Variants in C12orf54 observed in about 807,000 individuals in gnomAD.
C12orf54 encodes uncharacterized protein C12orf54.
C12orf54 carries 24 observed loss-of-function variants against 26.4 expected under a neutral mutation model. The ratio of observed to expected loss-of-function variants is 0.91; its 90% CI spans 0.66 to 1.28. The LOEUF (loss-of-function observed/expected upper bound fraction) is 1.28, where lower values mean the gene tolerates loss of function less well. Ranked by LOEUF, C12orf54 falls within the 50% of genes most tolerant of loss-of-function variation. C12orf54 has a pLI of 0.00. For synonymous variants in C12orf54, 54 were observed against 47.0 expected (o/e 1.15, Z -0.61); for missense variants, 154 against 150.9 (o/e 1.02, Z -0.11).
chr12:48,452,118 T>C, the C12orf54 span, among the ~76,000 whole-genome samples: 2 of 152,186 alleles, frequency 1.3e-5, no homozygotes, highest in Non-Finnish European at 2.9e-5. Flanking sequence ...AACAGCCTAG[T>C]ACTGGTACAA....
At chr12:48,418,261 G>A in the C12orf54 span, among the ~76,000 whole-genome samples, 1 of 152,216 alleles carries the variant, frequency 6.6e-6, no homozygotes, top group Non-Finnish European at 1.5e-5. Context: ...GTCTGGAAGG[G>A]AAAGACATTC....
the C12orf54 span, among the ~76,000 whole-genome samples, chr12:48,445,839 G>T: frequency 6.6e-6 from 1 of 152,302 alleles, no homozygotes; most frequent in East Asian, 1.9e-4. Context: ...TTCCCAAAAG[G>T]AGGAAGCGAA....
chr12:48,486,675 C>T lies in C12orf54; in HGVS notation c.97-13C>T. 6.2e-7 allele frequency: 1 copy of T among 1,610,268 alleles called. No homozygotes were observed. Among genetic ancestry groups the T allele is most frequent in the Admixed American group, 1.7e-5 (1 of 59,990 alleles). ...GGGATATTGTTTCCAACATTTGTTC[C>T]TTATTTCTACAGGAAAAACAGGTAA... On this transcript the variant is annotated splice_polypyrimidine_tract_variant and intron_variant, in intron 3 of 8. Transcript: ENST00000548364.
chr12:48,496,453 AT>A lies in C12orf54; in HGVS notation c.*316del, dbSNP rs1303488070. 1.3e-5 allele frequency: 2 copies of A among 152,674 alleles called. No homozygotes were observed. Among genetic ancestry groups the A allele is most frequent in the Non-Finnish European group, 2.9e-5 (2 of 68,044 alleles). 9.5% of individuals were successfully genotyped at this position (152,674 alleles called of 1,614,324 possible). A position where few individuals can be genotyped will look rare whatever the true frequency, so the allele number is the denominator to read the frequency against. On this transcript the variant is annotated 3_prime_UTR_variant, in exon 9 of 9. Transcript: ENST00000548364. ...ATAGAATTTCCAAGTATGATAGTGCATTTGGTTCAAAGAACAGCACTGTAGC... is the reference window on the plus strand; with the variant it reads ...ATAGAATTTCCAAGTATGATAGTGCATTGGTTCAAAGAACAGCACTGTAGC...
chr12:48,436,617 A>C, the C12orf54 span, among the ~76,000 whole-genome samples: 37 of 152,320 alleles, frequency 2.4e-4, no homozygotes, highest in East Asian at 1.5e-3. Flanking sequence ...AAAACCGCTC[A>C]ACTACATGGA....
the C12orf54 span, among the ~76,000 whole-genome samples, chr12:48,476,401 A>C: frequency 1.2e-4 from 19 of 152,200 alleles, no homozygotes; most frequent in African/African-American, 4.6e-4. Context: ...AACAATATTA[A>C]CTTTAAATGT....
chr12:48,486,962 AG>A (rs1441761934), intron 4 of C12orf54, among the ~76,000 whole-genome samples: 1 of 152,170 alleles, frequency 6.6e-6, no homozygotes, highest in Non-Finnish European at 1.5e-5. Flanking sequence ...AAGCTGTCAC[AG>A]GTCCTGTTTG....
the C12orf54 span, among the ~76,000 whole-genome samples, chr12:48,469,931 G>A: frequency 1.3e-5 from 2 of 152,162 alleles, no homozygotes; most frequent in African/African-American, 4.8e-5. Context: ...TCCCACAGGT[G>A]AGAACATGAA....
intron 5 of C12orf54, 128 bp from the exon 6 acceptor site, chr12:48,490,684 C>A: frequency 9.8e-7 from 1 of 1,020,696 alleles, no homozygotes; most frequent in Non-Finnish European, 1.5e-6. Flanking sequence ...TTGGGAGTTC[C>A]ATGTCCAAGA....
chr12:48,423,954 A>C, the C12orf54 span, among the ~76,000 whole-genome samples: 1 of 152,084 alleles, frequency 6.6e-6, no homozygotes, highest in Non-Finnish European at 1.5e-5. Flanking sequence ...TCCTTTAAAT[A>C]TAATGGTAGA....
At chr12:48,422,141 C>G in the C12orf54 span, among the ~76,000 whole-genome samples, 1 of 152,164 alleles carries the variant, frequency 6.6e-6, no homozygotes, top group East Asian at 1.9e-4. Context: ...AAAGAAGAGG[C>G]TCTATTCTCA....
the C12orf54 span, among the ~76,000 whole-genome samples, chr12:48,427,085 T>G: frequency 6.6e-6 from 1 of 152,108 alleles, no homozygotes; most frequent in Non-Finnish European, 1.5e-5. Flanking sequence ...TTCTCTTGCC[T>G]GATTGGTGGA....
the C12orf54 span, chr12:48,473,184 G>A: frequency 6.5e-6 from 9 of 1,389,770 alleles, no homozygotes; most frequent in East Asian, 2.3e-5. Flanking sequence ...GGAGGAGGAT[G>A]AGGATGAGGA....
chr12:48,439,508 A>T, the C12orf54 span, among the ~76,000 whole-genome samples: 1 of 152,232 alleles, frequency 6.6e-6, no homozygotes, highest in South Asian at 2.1e-4. Context: ...CAAATGTCCA[A>T]CAATGATAGA....
the C12orf54 span, chr12:48,441,992 T>C: frequency 6.6e-6 from 1 of 152,220 alleles, no homozygotes; most frequent in Non-Finnish European, 1.5e-5. Context: ...TTCTATCCAG[T>C]TCCCTCATCA....
upstream of C12orf54, among the ~76,000 whole-genome samples, chr12:48,478,506 C>G (rs1435319183): frequency 5.3e-5 from 8 of 152,310 alleles, no homozygotes; most frequent in African/African-American, 1.7e-4. Context: ...ACCCCATCAT[C>G]TCAGCCCAAA....
chr12:48,441,181 C>G, the C12orf54 span, among the ~76,000 whole-genome samples: 57 of 152,290 alleles, frequency 3.7e-4, no homozygotes, highest in Admixed American at 3.1e-3. Context: ...AGAATGAACT[C>G]TTATTATGAT....
At chr12:48,489,280 A>G in intron 5 of C12orf54, 1 of 499,534 alleles carries the variant, frequency 2.0e-6, no homozygotes, top group Non-Finnish European at 3.9e-6. Context: ...GTGATGTAGT[A>G]AACTGCCTTA....
chr12:48,463,944 G>A, the C12orf54 span, among the ~76,000 whole-genome samples: 1 of 151,886 alleles, frequency 6.6e-6, no homozygotes, highest in Non-Finnish European at 1.5e-5. Flanking sequence ...AAAATAATAA[G>A]AGCCATCTAT....
Sources: allele counts gnomAD v4.1 joint callset (sites outside exome capture counted in the v4.1 genomes callset), GRCh38; gene constraint gnomAD v4.1.1; transcripts MANE v1.5; gene names NCBI Gene and HGNC (gene_info 2026-07-23, HGNC 2026-07-21).